Variants in ENOX1 observed in about 807,000 individuals in gnomAD.
The protein encoded by ENOX1 is candidate growth-related and time keeping constitutive hydroquinone (NADH) oxidase.
Under a neutral mutation model 82.5 loss-of-function variants are expected in ENOX1, and 42 were observed. That is an observed-to-expected ratio of 0.51 (90% CI 0.40 to 0.66). ENOX1 has a LOEUF of 0.66. Among genes scored for constraint, ENOX1 ranks in the 30% least tolerant of loss-of-function variants. The pLI is 0.00. For missense variants in ENOX1, 608 were observed against 811.6 expected (o/e 0.75, Z 3.05); for synonymous variants, 271 against 282.2 (o/e 0.96, Z 0.40).
chr13:43,359,321 A>C (rs2050350194), intron 7 of ENOX1, among the ~76,000 whole-genome samples: 1 of 152,190 alleles, frequency 6.6e-6, no homozygotes, highest in South Asian at 2.1e-4. Context: ...CACTAGGCCT[A>C]ATCTCAGTAT....
intron 2 of ENOX1, among the ~76,000 whole-genome samples, chr13:43,554,688 C>G (rs2079355836): frequency 1.3e-5 from 2 of 152,240 alleles, no homozygotes; most frequent in African/African-American, 4.8e-5. Context: ...GCGATCCTCC[C>G]ACCTCTGCCT....
chr13:43,668,724 C>A (rs1046170713), intron 1 of ENOX1, among the ~76,000 whole-genome samples: 6 of 151,988 alleles, frequency 3.9e-5, no homozygotes, highest in African/African-American at 1.5e-4. Flanking sequence ...CACAAGAAGC[C>A]AGGGGCAGGG....
chr13:43,754,497 T>A (rs759214868), intron 1 of ENOX1, among the ~76,000 whole-genome samples: 1 of 151,646 alleles, frequency 6.6e-6, no homozygotes, highest in Non-Finnish European at 1.5e-5. Flanking sequence ...TACGCCTGGC[T>A]AGTTTTTGTA....
intron 5 of ENOX1, among the ~76,000 whole-genome samples, chr13:43,370,812 A>C (rs1476161638): frequency 6.6e-6 from 1 of 152,028 alleles, no homozygotes; most frequent in Non-Finnish European, 1.5e-5. Context: ...TTTTGTTCCC[A>C]TTGCTAATTT....
intron 12 of ENOX1, among the ~76,000 whole-genome samples, chr13:43,294,776 G>A (rs1016795600): frequency 6.6e-5 from 10 of 152,146 alleles, no homozygotes; most frequent in Non-Finnish European, 1.5e-5. Context: ...TTCTTACGGT[G>A]GAATACTGCT....
rs372689147 is a variant in ENOX1 at position 43,710,485 on chromosome 13, G to A, written c.-284-42941C>T. On this transcript the variant is annotated intron_variant, in intron 1 of 16. Transcript: ENST00000690772. ...TAAGGTAAAGGTTATATAGCAAAAT[G>A]TACAGCAAGCACTCAATTAATTGAA... Among the ~76,000 whole-genome samples, 119 of 152,206 alleles carry A rather than the reference G, an allele frequency of 7.8e-4. 3 individuals are homozygous for A. The highest frequency in any genetic ancestry group is 2.8e-3 in the African/African-American group (116 of 41,544).
chr13:43,338,986 C>T (rs1038418850), intron 9 of ENOX1, among the ~76,000 whole-genome samples: 3 of 151,954 alleles, frequency 2.0e-5, no homozygotes, highest in African/African-American at 2.4e-5. Context: ...TGCCCGGCCT[C>T]GGGTTGGGTT....
At chr13:43,784,885 G>A (rs541203591) in intron 1 of ENOX1, among the ~76,000 whole-genome samples, 3 of 152,324 alleles carry the variant, frequency 2.0e-5, no homozygotes, top group Non-Finnish European at 2.9e-5. Context: ...AATTAAAGCT[G>A]GAAAATGCTA....
chr13:43,757,633 C>T lies in ENOX1; in HGVS notation c.-285+29019G>A, dbSNP rs148909571. Among the ~76,000 whole-genome samples, 929 of 152,270 alleles carry T rather than the reference C, an allele frequency of 6.1e-3. 9 individuals are homozygous for T. The highest frequency in any genetic ancestry group is 0.021 in the African/African-American group (883 of 41,536). Reference sequence around the variant, plus strand: ...TAGAGAGGTATCAATACACACCTATCAGAGTGGCTAAAATAAAAAATGACA... The same window carrying T: ...TAGAGAGGTATCAATACACACCTATTAGAGTGGCTAAAATAAAAAATGACA... On this transcript the variant is annotated intron_variant, in intron 1 of 16. Coordinates refer to ENST00000690772, the MANE Select transcript of ENOX1 (RefSeq NM_001347969.2).
At chr13:43,779,291 G>A (rs1482043336) in intron 1 of ENOX1, among the ~76,000 whole-genome samples, 2 of 152,042 alleles carry the variant, frequency 1.3e-5, no homozygotes, top group Non-Finnish European at 1.5e-5. Context: ...GGGATCCTAG[G>A]AAGTACTGGT....
chr13:43,534,279 T>C (rs1461102072), intron 2 of ENOX1, among the ~76,000 whole-genome samples: 3 of 152,138 alleles, frequency 2.0e-5, no homozygotes, highest in Non-Finnish European at 4.4e-5. Flanking sequence ...GCTTGTGTTC[T>C]GAAGAACAGG....
At chr13:43,397,825 T>A (rs2053245514) in intron 5 of ENOX1, among the ~76,000 whole-genome samples, 1 of 152,182 alleles carries the variant, frequency 6.6e-6, no homozygotes, top group Non-Finnish European at 1.5e-5. Context: ...TGTGTCTTAG[T>A]CTATGGGGAG....
chr13:43,773,757 T>A (rs187602764), intron 1 of ENOX1, among the ~76,000 whole-genome samples: 2 of 152,368 alleles, frequency 1.3e-5, no homozygotes, highest in Non-Finnish European at 2.9e-5. Context: ...GTTCTGTTTA[T>A]CTGTTTGATG....
intron 11 of ENOX1, among the ~76,000 whole-genome samples, chr13:43,302,991 T>G (rs995997974): frequency 3.9e-5 from 6 of 152,262 alleles, no homozygotes; most frequent in Non-Finnish European, 8.8e-5. Context: ...TAACAATATC[T>G]GTGTTTCTCC....
intron 2 of ENOX1, among the ~76,000 whole-genome samples, chr13:43,647,698 C>T (rs183495909): frequency 6.6e-6 from 1 of 152,260 alleles, no homozygotes; most frequent in Admixed American, 6.5e-5. Flanking sequence ...TACCACCAAA[C>T]CCCCAAAGAT....
intron 7 of ENOX1, among the ~76,000 whole-genome samples, chr13:43,358,279 A>T (rs2050273604): frequency 6.6e-6 from 1 of 152,202 alleles, no homozygotes; most frequent in African/African-American, 2.4e-5. Context: ...TAGGGTAAAG[A>T]ATACAGTTGA....
intron 1 of ENOX1, among the ~76,000 whole-genome samples, chr13:43,677,065 T>A (rs984995976): frequency 6.6e-6 from 1 of 151,874 alleles, no homozygotes; most frequent in Non-Finnish European, 1.5e-5. Context: ...CTCTGTCCAA[T>A]CTGCCCTACA....
At chr13:43,359,195 G>C (rs2050341595) in intron 7 of ENOX1, among the ~76,000 whole-genome samples, 2 of 152,190 alleles carry the variant, frequency 1.3e-5, no homozygotes, top group Admixed American at 1.3e-4. Flanking sequence ...GGGAAGGGCA[G>C]TGAGTTCAGT....
intron 2 of ENOX1, among the ~76,000 whole-genome samples, chr13:43,612,848 ACTTTT>A (rs1399291077): frequency 1.9e-5 from 2 of 102,794 alleles, no homozygotes; most frequent in African/African-American, 7.0e-5. Flanking sequence ...TACCTTTCTT[ACTTTT>A]CTTTACTCAC....
Sources: gnomAD v4.1 joint callset for allele counts (sites outside exome capture counted in the v4.1 genomes callset) on GRCh38, gnomAD v4.1.1 for gene constraint, MANE v1.5 for transcripts, NCBI Gene and HGNC (gene_info 2026-07-23, HGNC 2026-07-21) for gene names.